SLC24A2: variants seen among roughly 807,000 people sequenced by gnomAD.
SLC24A2 encodes solute carrier family 24 member 2, also known as sodium/potassium/calcium exchanger 2.
SLC24A2 carries 36 observed loss-of-function variants against 62.0 expected under a neutral mutation model. That is an observed-to-expected ratio of 0.58 (90% CI 0.44 to 0.77). SLC24A2 has a LOEUF of 0.77. SLC24A2 is among the 30% of genes least tolerant of loss of function. SLC24A2 has a pLI of 0.00. For missense variants in SLC24A2, 846 were observed against 817.9 expected, an observed-to-expected ratio of 1.03 and a Z score of -0.42; for synonymous variants, 358 against 294.0, an observed-to-expected ratio of 1.22 and a Z score of -2.23.
At chr9:19,535,153 C>T (rs114028412) in intron 8 of SLC24A2, among the ~76,000 whole-genome samples, 1,840 of 152,108 alleles carry the variant, frequency 0.012, 37 homozygotes, top group African/African-American at 0.042. Context: ...GCATAAATGT[C>T]GTCTTTTGAG....
At chr9:20,221,302 T>C in the SLC24A2 span, among the ~76,000 whole-genome samples, 237 of 152,192 alleles carry the variant, frequency 1.6e-3, 2 homozygotes, top group African/African-American at 5.2e-3. Flanking sequence ...GATACAGTGA[T>C]AGCAGTAAGA....
At chr9:19,933,756 G>C in the SLC24A2 span, among the ~76,000 whole-genome samples, 1 of 152,138 alleles carries the variant, frequency 6.6e-6, no homozygotes, top group African/African-American at 2.4e-5. Context: ...AACGAAATGT[G>C]GTATATCCAT....
intron 7 of SLC24A2, among the ~76,000 whole-genome samples, chr9:19,566,781 TA>T (rs1450773746): frequency 1.2e-4 from 19 of 152,044 alleles, no homozygotes; most frequent in African/African-American, 4.6e-4. Context: ...TATGCAGCCA[TA>T]AAAAAGGATG....
chr9:20,030,383 G>A, the SLC24A2 span, among the ~76,000 whole-genome samples: 1 of 152,200 alleles, frequency 6.6e-6, no homozygotes, highest in African/African-American at 2.4e-5. Flanking sequence ...GGTCTGGAGA[G>A]AGCTGCTACG....
intron 2 of SLC24A2, among the ~76,000 whole-genome samples, chr9:19,724,507 C>T (rs1403252632): frequency 1.3e-5 from 2 of 152,108 alleles, no homozygotes; most frequent in East Asian, 1.9e-4. Context: ...ATGCCTTTTG[C>T]CTTTTTTGGA....
the SLC24A2 span, among the ~76,000 whole-genome samples, chr9:20,095,126 G>C: frequency 6.6e-6 from 1 of 152,016 alleles, no homozygotes; most frequent in Non-Finnish European, 1.5e-5. Context: ...TTGCAAACTG[G>C]AAAAAAATCC....
intron 2 of SLC24A2, among the ~76,000 whole-genome samples, chr9:19,678,408 C>T (rs780197527): frequency 3.3e-5 from 5 of 152,188 alleles, no homozygotes; most frequent in Admixed American, 1.3e-4. Flanking sequence ...GACTTTAAAA[C>T]CTCCTTACCA....
At chr9:20,131,992 C>T in the SLC24A2 span, among the ~76,000 whole-genome samples, 2 of 152,032 alleles carry the variant, frequency 1.3e-5, no homozygotes, top group African/African-American at 2.4e-5. Context: ...TAACTGAACA[C>T]ATTTTAGCTT....
rs1372902619 is a variant in SLC24A2, at chr9:19,556,518, T to C, written c.1348-6250A>G. 2.6e-5 allele frequency among the ~76,000 whole-genome samples: 4 copies of C among 152,180 alleles called. No individual in the cohort carries two copies. The East Asian group carries it at 5.8e-4, about 22-fold the overall frequency. ...TAGGCCTAATTCAAGTTCAGTTTTA[T>C]TGACTGGTAATAACATCTCATCACC... On this transcript the variant is annotated intron_variant, in intron 7 of 10. Coordinates refer to ENST00000341998, the MANE Select transcript of SLC24A2 (RefSeq NM_020344.4).
At chr9:19,700,926 A>G (rs903530575) in intron 2 of SLC24A2, among the ~76,000 whole-genome samples, 4 of 152,312 alleles carry the variant, frequency 2.6e-5, no homozygotes, top group Admixed American at 6.5e-5. Context: ...CAAGACTCCA[A>G]AGGTTCGTAT....
the SLC24A2 span, among the ~76,000 whole-genome samples, chr9:20,011,072 A>C: frequency 6.6e-6 from 1 of 152,090 alleles, no homozygotes; most frequent in Non-Finnish European, 1.5e-5. Context: ...ATAAACATAC[A>C]TGTGCATGTG....
chr9:19,896,877 ATG>A, the SLC24A2 span, among the ~76,000 whole-genome samples: 1 of 152,214 alleles, frequency 6.6e-6, no homozygotes, highest in African/African-American at 2.4e-5. Context: ...ATTCAGTAAA[ATG>A]TCTTGTTATG....
chr9:19,756,384 T>C (rs749228975), intron 2 of SLC24A2, among the ~76,000 whole-genome samples: 28 of 152,232 alleles, frequency 1.8e-4, no homozygotes, highest in Non-Finnish European at 3.7e-4. Flanking sequence ...TAGGCTTAAA[T>C]ATTTTGTGGT....
the SLC24A2 span, among the ~76,000 whole-genome samples, chr9:19,867,100 G>C: frequency 6.6e-6 from 1 of 152,122 alleles, no homozygotes; most frequent in African/African-American, 2.4e-5. Context: ...AAAAATTCTT[G>C]AGGGTATCTA....
chr9:20,086,907 G>C, the SLC24A2 span, among the ~76,000 whole-genome samples: 1 of 152,184 alleles, frequency 6.6e-6, no homozygotes, highest in Admixed American at 6.5e-5. Context: ...GAGGTTATTT[G>C]AGTTTTTGAC....
At chr9:19,897,287 T>C in the SLC24A2 span, among the ~76,000 whole-genome samples, 5 of 152,334 alleles carry the variant, frequency 3.3e-5, no homozygotes, top group South Asian at 1.0e-3. Context: ...GTCAAGTACA[T>C]GTTAGTTCAA....
At chr9:19,748,256 T>C (rs1262704492) in intron 2 of SLC24A2, among the ~76,000 whole-genome samples, 1 of 152,202 alleles carries the variant, frequency 6.6e-6, no homozygotes, top group East Asian at 1.9e-4. Flanking sequence ...GTGATTTCAG[T>C]TGCCTGAGTA....
At chr9:20,007,457 G>C in the SLC24A2 span, among the ~76,000 whole-genome samples, 1 of 152,084 alleles carries the variant, frequency 6.6e-6, no homozygotes, top group Non-Finnish European at 1.5e-5. Flanking sequence ...GTCTAATCTA[G>C]GTTCTCAGGC....
the SLC24A2 span, among the ~76,000 whole-genome samples, chr9:19,876,560 A>G: frequency 6.6e-6 from 1 of 152,190 alleles, no homozygotes; most frequent in East Asian, 1.9e-4. Context: ...GGCTTTCCAT[A>G]GAACTGCTTT....
Sources: gnomAD v4.1 joint callset for allele counts (sites outside exome capture counted in the v4.1 genomes callset) on GRCh38, gnomAD v4.1.1 for gene constraint, MANE v1.5 for transcripts, NCBI Gene and HGNC (gene_info 2026-07-23, HGNC 2026-07-21) for gene names.